TTYH3: variants seen among roughly 807,000 people sequenced by gnomAD.
TTYH3 encodes tweety family member 3.
TTYH3 carries 23 observed loss-of-function variants against 68.2 expected under a neutral mutation model. The observed-to-expected ratio is 0.34, with a 90% CI of 0.24 to 0.48. The LOEUF is 0.48. TTYH3 is among the 20% of genes least tolerant of loss of function. The pLI, the probability that TTYH3 is intolerant of heterozygous loss-of-function variation, is 0.99. For missense variants in TTYH3, 768 were observed against 727.7 expected, an observed-to-expected ratio of 1.06 and a Z score of -0.64; for synonymous variants, 360 against 332.8, an observed-to-expected ratio of 1.08 and a Z score of -0.89.
chr7:2,661,951 C>T lies in TTYH3; in HGVS notation c.*212C>T. 1 of 612,246 alleles carries T rather than the reference C, an allele frequency of 1.6e-6. No individual in the cohort carries two copies. The highest frequency in any genetic ancestry group is 2.9e-6 in the Non-Finnish European group (1 of 345,468). The allele number at this position is 612,246 out of a possible 1,614,324, so 37.9% of individuals were successfully genotyped here. ...CCCGTACCGCCAACTCGGGTCACAC[C>T]TGAACGCTGCTGCCAGCCGATGCCC... On this transcript the variant is annotated 3_prime_UTR_variant, in exon 14 of 14. Coordinates refer to ENST00000258796, the MANE Select transcript of TTYH3 (RefSeq NM_025250.3).
In TTYH3 at chr7:2,664,042, ACT is replaced by A. The variant is rs1055095522; in HGVS notation, c.*2307_*2308del. 1 of 152,128 alleles carries A rather than the reference ACT, an allele frequency of 6.6e-6. No homozygotes were observed. The highest frequency in any genetic ancestry group is 2.4e-5 in the African/African-American group (1 of 41,344). 9.4% of individuals were successfully genotyped at this position (152,128 alleles called of 1,614,324 possible). A position where few individuals can be genotyped will look rare whatever the true frequency, so the allele number is the denominator to read the frequency against. ...GTGCCTGCTGCCATGGCCAGCCCCCACTCTCACCCTGCACAGGGGGTCTTGCA... is the reference window on the plus strand; with the variant it reads ...GTGCCTGCTGCCATGGCCAGCCCCCACTCACCCTGCACAGGGGGTCTTGCA... On this transcript the variant is annotated 3_prime_UTR_variant, in exon 14 of 14. Transcript: ENST00000258796.
At chr7:2,660,058 C>T in intron 13 of TTYH3, 1 of 1,297,904 alleles carries the variant, frequency 7.7e-7, no homozygotes, top group South Asian at 1.2e-5. Flanking sequence ...CCCACCGGTC[C>T]CCCATCCCGC....
chr7:2,650,057 A>G (rs555325884), intron 7 of TTYH3, 69 bp downstream of exon 7: 6 of 1,549,584 alleles, frequency 3.9e-6, no homozygotes, highest in Non-Finnish European at 4.4e-6. Flanking sequence ...AGAGTGGGGT[A>G]GCTGAGGCCG....
chr7:2,643,441 C>G (rs1328191767), intron 1 of TTYH3, among the ~76,000 whole-genome samples: 3 of 152,176 alleles, frequency 2.0e-5, no homozygotes, highest in Non-Finnish European at 2.9e-5. Context: ...TCTCACCATC[C>G]AGCAGGCTTC....
At chr7:2,639,862 C>T (rs1471917183) in intron 1 of TTYH3, among the ~76,000 whole-genome samples, 1 of 152,150 alleles carries the variant, frequency 6.6e-6, no homozygotes, top group African/African-American at 2.4e-5. Context: ...ACCTTCTGCC[C>T]ACCCCTTCTC....
At chr7:2,632,842 C>G (rs1484941031) in intron 1 of TTYH3, among the ~76,000 whole-genome samples, 1 of 152,276 alleles carries the variant, frequency 6.6e-6, no homozygotes, top group East Asian at 1.9e-4. Context: ...CGCCAGCCCT[C>G]TGTGGCCGGT....
Position 2,647,263 on chromosome 7 carries a change from C to T in TTYH3, c.405+10C>T, listed in dbSNP as rs1445955028. The T allele has an allele frequency of 1.4e-5, 22 of 1,570,822 alleles. No individual in the cohort carries two copies. The highest frequency in any genetic ancestry group is 1.7e-5 in the Non-Finnish European group (20 of 1,163,548). On this transcript the variant is annotated intron_variant, in intron 3 of 13. Transcript: ENST00000258796. ...CGGGGTCCAGGACCGCGTGAGTGGC[C>T]GCGGAGTTGGGGCCAGGAGCACTCT...
intron 1 of TTYH3, among the ~76,000 whole-genome samples, chr7:2,646,284 G>A (rs937547888): frequency 6.6e-6 from 1 of 152,232 alleles, no homozygotes; most frequent in Admixed American, 6.5e-5. Context: ...CAAAGTGCTG[G>A]GATTACAGGC....
intron 1 of TTYH3, among the ~76,000 whole-genome samples, chr7:2,636,744 C>T (rs888147478): frequency 3.7e-4 from 56 of 152,162 alleles, no homozygotes; most frequent in East Asian, 1.2e-3. Flanking sequence ...GGGGAGACTC[C>T]GATTGGCTGA....
At chr7:2,658,845 T>C in intron 12 of TTYH3, 95 bp from the exon 13 acceptor site, 7 of 1,195,628 alleles carry the variant, frequency 5.9e-6, no homozygotes, top group South Asian at 1.3e-5. Context: ...GATGTGCCCA[T>C]CTGGGCACAG....
Position 2,639,916 on chromosome 7 carries a change from C to T in TTYH3, c.124-6937C>T, listed in dbSNP as rs376441118. Among the ~76,000 whole-genome samples the T allele has an allele frequency of 2.5e-4, 38 of 152,298 alleles. No homozygotes were observed. In the East Asian group the frequency reaches 5.0e-3, roughly 20 times the overall value. On this transcript the variant is annotated intron_variant, in intron 1 of 13. Coordinates refer to ENST00000258796, the MANE Select transcript of TTYH3 (RefSeq NM_025250.3). ...TCTCCTGCCACCCCTGCTCACCGTG[C>T]CCCGTGGCTGCACCCCTGGGGCTCG...
chr7:2,642,943 A>C (rs1396014441), intron 1 of TTYH3, among the ~76,000 whole-genome samples: 1 of 145,804 alleles, frequency 6.9e-6, no homozygotes, highest in Non-Finnish European at 1.5e-5. Context: ...GGTACCTGTA[A>C]TCCCAGCTAC....
Position 2,661,813 on chromosome 7 carries a change from C to A in TTYH3, c.*74C>A. ...GCCAGCACTGCCGCTTCCACCTGGG[C>A]CACCCACCGGACCCTCGCACGCCGT... On this transcript the variant is annotated 3_prime_UTR_variant, in exon 14 of 14. Coordinates refer to ENST00000258796, the MANE Select transcript of TTYH3 (RefSeq NM_025250.3). 1 of 1,494,314 alleles carries A rather than the reference C, an allele frequency of 6.7e-7. No homozygotes were observed. The highest frequency in any genetic ancestry group is 9.1e-7 in the Non-Finnish European group (1 of 1,102,446). The allele number at this position is 1,494,314 out of a possible 1,614,324, so 92.6% of individuals were successfully genotyped here.
chr7:2,638,352 C>T (rs983047716), intron 1 of TTYH3, among the ~76,000 whole-genome samples: 1 of 149,214 alleles, frequency 6.7e-6, no homozygotes, highest in African/African-American at 2.4e-5. Flanking sequence ...GTTCCTTGCA[C>T]GAGGGGGAGG....
At chr7:2,653,481 C>CT (rs1327466830) in intron 9 of TTYH3, among the ~76,000 whole-genome samples, 4 of 152,150 alleles carry the variant, frequency 2.6e-5, no homozygotes, top group Admixed American at 2.6e-4. Flanking sequence ...GGTGAGTGCC[C>CT]TGGGGGCATT....
chr7:2,640,482 C>G (rs1275172143), intron 1 of TTYH3, among the ~76,000 whole-genome samples: 1 of 152,204 alleles, frequency 6.6e-6, no homozygotes, highest in Non-Finnish European at 1.5e-5. Context: ...CACACGCTGC[C>G]AGGCCCAGGT....
chr7:2,650,471 CG>C (rs1216763449), intron 7 of TTYH3, among the ~76,000 whole-genome samples: 7 of 151,934 alleles, frequency 4.6e-5, no homozygotes, highest in African/African-American at 1.5e-4. Context: ...CCAGCTACTC[CG>C]GAGACTGAGG....
intron 13 of TTYH3, chr7:2,660,026 C>G: frequency 1.5e-6 from 2 of 1,295,776 alleles, no homozygotes; most frequent in Non-Finnish European, 2.0e-6. Context: ...GGTAGCTGTT[C>G]CCTCAGAGCG....
At chr7:2,650,092 T>TG (rs1786125811) in intron 7 of TTYH3, 104 bp downstream of exon 7, 1 of 1,209,584 alleles carries the variant, frequency 8.3e-7, no homozygotes, top group Non-Finnish European at 1.2e-6. Flanking sequence ...TGTGGGTCCA[T>TG]GGTCTCAGGG....
Sources: gnomAD v4.1 joint callset for allele counts (sites outside exome capture counted in the v4.1 genomes callset) on GRCh38, gnomAD v4.1.1 for gene constraint, MANE v1.5 for transcripts, NCBI Gene and HGNC (gene_info 2026-07-23, HGNC 2026-07-21) for gene names.